Variants in ZCCHC7 observed in about 807,000 individuals in gnomAD.
The protein encoded by ZCCHC7 is zinc finger CCHC domain-containing protein 7.
Under a neutral mutation model 52.0 loss-of-function variants are expected in ZCCHC7, and 35 were observed. That is an observed-to-expected ratio of 0.67 (90% CI 0.51 to 0.89). The LOEUF (loss-of-function observed/expected upper bound fraction) is 0.89, where lower values mean the gene tolerates loss of function less well. Among genes scored for constraint, ZCCHC7 ranks in the 40% least tolerant of loss-of-function variants. The pLI is 0.00. For missense variants in ZCCHC7, 574 were observed against 649.1 expected, an observed-to-expected ratio of 0.88 and a Z score of 1.26; for synonymous variants, 217 against 221.5, an observed-to-expected ratio of 0.98 and a Z score of 0.18.
At chr9:37,154,968 A>G (rs1476037062) in intron 2 of ZCCHC7, among the ~76,000 whole-genome samples, 1 of 152,218 alleles carries the variant, frequency 6.6e-6, no homozygotes, top group African/African-American at 2.4e-5. Flanking sequence ...GATTTTGGAA[A>G]ACATGAAATT....
At chr9:37,304,381 C>T (rs1588640592) in intron 4 of ZCCHC7, 68 bp downstream of exon 4, 8 of 1,563,372 alleles carry the variant, frequency 5.1e-6, no homozygotes, top group African/African-American at 2.7e-5. Flanking sequence ...AGGCTGGGCA[C>T]GGTGGCTCAT....
intron 2 of ZCCHC7, among the ~76,000 whole-genome samples, chr9:37,277,636 C>T (rs890096753): frequency 7.2e-5 from 11 of 152,148 alleles, no homozygotes; most frequent in African/African-American, 2.7e-4. Context: ...AGGGCAGTTA[C>T]TAATGGCTAC....
At chr9:37,292,555 A>G (rs1223748793) in intron 2 of ZCCHC7, among the ~76,000 whole-genome samples, 1 of 152,220 alleles carries the variant, frequency 6.6e-6, no homozygotes, top group African/African-American at 2.4e-5. Context: ...ATAGGGTGTT[A>G]TAAGATAATT....
intron 6 of ZCCHC7, among the ~76,000 whole-genome samples, chr9:37,338,382 C>T (rs577019217): frequency 4.6e-5 from 7 of 152,020 alleles, no homozygotes; most frequent in South Asian, 2.1e-4. Context: ...ATGTAGTTTT[C>T]GATTTACTGA....
intron 2 of ZCCHC7, among the ~76,000 whole-genome samples, chr9:37,219,234 TG>T (rs1824686097): frequency 6.6e-6 from 1 of 152,254 alleles, no homozygotes; most frequent in Non-Finnish European, 1.5e-5. Flanking sequence ...CCCAATTTTT[TG>T]TAATGAATGT....
chr9:37,245,224 TTA>T (rs1334055007), intron 2 of ZCCHC7, among the ~76,000 whole-genome samples: 1 of 151,960 alleles, frequency 6.6e-6, no homozygotes, highest in African/African-American at 2.4e-5. Flanking sequence ...TTGAACACAG[TTA>T]TAGTCAGTAG....
chr9:37,153,345 A>G (rs1820637700), intron 2 of ZCCHC7, among the ~76,000 whole-genome samples: 2 of 151,964 alleles, frequency 1.3e-5, no homozygotes, highest in South Asian at 2.1e-4. Context: ...TAATTTTGGT[A>G]TTTTTAGTAG....
At chr9:37,193,607 C>G (rs567315030) in intron 2 of ZCCHC7, among the ~76,000 whole-genome samples, 53 of 151,630 alleles carry the variant, frequency 3.5e-4, no homozygotes, top group Non-Finnish European at 5.9e-4. Context: ...GGAGAAAAAT[C>G]TAGTAGCCTT....
intron 2 of ZCCHC7, among the ~76,000 whole-genome samples, chr9:37,265,500 T>G (rs898594507): frequency 6.6e-6 from 1 of 152,216 alleles, no homozygotes; most frequent in Admixed American, 6.5e-5. Flanking sequence ...TTAGCTTGTT[T>G]TGATTGAAAT....
intron 2 of ZCCHC7, among the ~76,000 whole-genome samples, chr9:37,273,263 G>T (rs1262391390): frequency 6.6e-6 from 1 of 152,160 alleles, no homozygotes; most frequent in Non-Finnish European, 1.5e-5. Context: ...CAGCACTTTG[G>T]GAGGCCGAGG....
chr9:37,292,560 A>G (rs1163892333), intron 2 of ZCCHC7, among the ~76,000 whole-genome samples: 3 of 152,234 alleles, frequency 2.0e-5, no homozygotes, highest in African/African-American at 7.2e-5. Flanking sequence ...GTGTTATAAG[A>G]TAATTAAATC....
chr9:37,125,215 G>C (rs1161423835), intron 1 of ZCCHC7, among the ~76,000 whole-genome samples: 1 of 152,074 alleles, frequency 6.6e-6, no homozygotes, highest in Non-Finnish European at 1.5e-5. Flanking sequence ...AATGGTATGA[G>C]CATAGCTCAC....
At chr9:37,248,882 T>C (rs1401471870) in intron 2 of ZCCHC7, among the ~76,000 whole-genome samples, 1 of 152,076 alleles carries the variant, frequency 6.6e-6, no homozygotes, top group Non-Finnish European at 1.5e-5. Flanking sequence ...CTGATAACTA[T>C]TTTTGTAAAG....
intron 2 of ZCCHC7, among the ~76,000 whole-genome samples, chr9:37,174,503 A>G (rs1464513512): frequency 1.3e-5 from 2 of 152,208 alleles, no homozygotes; most frequent in Non-Finnish European, 2.9e-5. Context: ...AATGTTATGT[A>G]GTGTTTTCAT....
intron 2 of ZCCHC7, among the ~76,000 whole-genome samples, chr9:37,253,070 A>G (rs775264635): frequency 6.6e-6 from 1 of 152,128 alleles, no homozygotes; most frequent in Non-Finnish European, 1.5e-5. Flanking sequence ...AAATAAGAAC[A>G]TTTGTCACAA....
At chr9:37,318,813 T>C (rs983895877) in intron 5 of ZCCHC7, among the ~76,000 whole-genome samples, 2 of 151,928 alleles carry the variant, frequency 1.3e-5, no homozygotes, top group African/African-American at 4.8e-5. Flanking sequence ...CTTGGGAGGC[T>C]GAGGCAGGAG....
chr9:37,268,757 G>T (rs1345667400), intron 2 of ZCCHC7, among the ~76,000 whole-genome samples: 1 of 152,198 alleles, frequency 6.6e-6, no homozygotes, highest in Non-Finnish European at 1.5e-5. Flanking sequence ...AGGGGCTAAT[G>T]CTGTTCTCAG....
chr9:37,173,269 T>C lies in ZCCHC7; in HGVS notation c.610+46327T>C, dbSNP rs1054073750. On this transcript the variant is annotated intron_variant, in intron 2 of 8. Coordinates refer to ENST00000336755, the MANE Select transcript of ZCCHC7 (RefSeq NM_032226.3). Reference sequence around the variant, plus strand: ...CATTTTGAAGATTTAACATGTTTTTTCTGAGTTCCTTCTCTTTCAACCTCT... The same window carrying C: ...CATTTTGAAGATTTAACATGTTTTTCCTGAGTTCCTTCTCTTTCAACCTCT... Among the ~76,000 whole-genome samples, 10 of 152,380 alleles carry C rather than the reference T, an allele frequency of 6.6e-5. 1 individual carries two copies. In the East Asian group the frequency reaches 1.9e-3, roughly 29 times the overall value.
rs869266535 is a variant in ZCCHC7 at position 37,352,511 on chromosome 9, CTTTTTTTTTT to C, written c.1084-2184_1084-2175del. ...TACCTTTGCATAATCACAATTTGCTCTTTTTTTTTTTTTTTTTTTTTTTTGAGACAGAGTT... is the reference window on the plus strand; with the variant it reads ...TACCTTTGCATAATCACAATTTGCTCTTTTTTTTTTTTTTGAGACAGAGTT... On this transcript the variant is annotated intron_variant, in intron 7 of 8. Transcript: ENST00000336755. Among the ~76,000 whole-genome samples, 78 of 81,580 alleles carry C rather than the reference CTTTTTTTTTT, an allele frequency of 9.6e-4. 1 individual carries two copies. The highest frequency in any genetic ancestry group is 4.1e-3 in the African/African-American group (73 of 17,974). The allele number at this position is 81,580 out of a possible 152,430, so 53.5% of individuals were successfully genotyped here. A position where few individuals can be genotyped will look rare whatever the true frequency, so the allele number is the denominator to read the frequency against.
Sources: allele counts gnomAD v4.1 joint callset (sites outside exome capture counted in the v4.1 genomes callset), GRCh38; gene constraint gnomAD v4.1.1; transcripts MANE v1.5; gene names NCBI Gene and HGNC (gene_info 2026-07-23, HGNC 2026-07-21).